Variants in KIF6 observed in about 807,000 individuals in gnomAD.
KIF6 encodes kinesin-like protein KIF6.
KIF6 carries 106 observed loss-of-function variants against 112.7 expected under a neutral mutation model. The observed-to-expected ratio is 0.94, with a 90% CI of 0.80 to 1.11. KIF6 has a LOEUF of 1.11. Ranked by LOEUF, KIF6 falls within the 50% of genes least tolerant of loss-of-function variation. The pLI, the probability that KIF6 is intolerant of heterozygous loss-of-function variation, is 0.00. For synonymous variants in KIF6, 339 were observed against 339.9 expected, an observed-to-expected ratio of 1.00 and a Z score of 0.03; for missense variants, 929 against 964.0, an observed-to-expected ratio of 0.96 and a Z score of 0.48.
chr6:39,665,424 A>T (rs1173364146), intron 3 of KIF6, among the ~76,000 whole-genome samples: 2 of 152,240 alleles, frequency 1.3e-5, no homozygotes, highest in African/African-American at 4.8e-5. Flanking sequence ...ACTGCATACA[A>T]CAAATGAGAA....
chr6:39,553,093 T>C (rs1779477311), intron 10 of KIF6, among the ~76,000 whole-genome samples: 1 of 152,224 alleles, frequency 6.6e-6, no homozygotes, highest in African/African-American at 2.4e-5. Flanking sequence ...GAGTTTTTCC[T>C]TTTGCAGTTT....
intron 3 of KIF6, among the ~76,000 whole-genome samples, chr6:39,678,652 A>G (rs1423708902): frequency 5.3e-5 from 8 of 152,188 alleles, no homozygotes; most frequent in African/African-American, 1.9e-4. Context: ...ACAATTTTGC[A>G]CAAATTCCCA....
chr6:39,521,453 C>T (rs1027857272), intron 13 of KIF6, among the ~76,000 whole-genome samples: 1 of 152,138 alleles, frequency 6.6e-6, no homozygotes, highest in Admixed American at 6.5e-5. Flanking sequence ...TATGAAGCCG[C>T]AAAACTGTTG....
At chr6:39,535,515 A>G (rs1402374946) in intron 13 of KIF6, among the ~76,000 whole-genome samples, 2 of 152,254 alleles carry the variant, frequency 1.3e-5, no homozygotes, top group Non-Finnish European at 2.9e-5. Context: ...AGAGCTAACT[A>G]TCCTAAATAT....
chr6:39,658,590 G>T (rs1785940425), intron 3 of KIF6, among the ~76,000 whole-genome samples: 1 of 152,018 alleles, frequency 6.6e-6, no homozygotes, highest in Non-Finnish European at 1.5e-5. Flanking sequence ...CTGTCAGCTT[G>T]GAAATAAGAA....
At chr6:39,410,386 A>G (rs1358448327) in intron 15 of KIF6, among the ~76,000 whole-genome samples, 1 of 152,236 alleles carries the variant, frequency 6.6e-6, no homozygotes, top group African/African-American at 2.4e-5. Flanking sequence ...AGGTGTTGAG[A>G]AAGTTGGTTA....
At chr6:39,524,765 G>A (rs183165144) in intron 13 of KIF6, among the ~76,000 whole-genome samples, 10 of 152,286 alleles carry the variant, frequency 6.6e-5, no homozygotes, top group Non-Finnish European at 1.3e-4. Context: ...CATCTTCTCC[G>A]TCCTCTAAGT....
intron 6 of KIF6, among the ~76,000 whole-genome samples, chr6:39,611,738 T>G (rs1213555510): frequency 6.6e-6 from 1 of 152,210 alleles, no homozygotes; most frequent in Non-Finnish European, 1.5e-5. Context: ...TTGCTGTTTA[T>G]TAAACTATAT....
intron 15 of KIF6, among the ~76,000 whole-genome samples, chr6:39,411,823 A>T (rs1190282556): frequency 1.3e-5 from 2 of 152,224 alleles, no homozygotes; most frequent in Admixed American, 6.5e-5. Context: ...GGAGAGGCTC[A>T]CTTATCAGCC....
chr6:39,540,697 T>A (rs1218278398), intron 12 of KIF6, among the ~76,000 whole-genome samples: 1 of 152,228 alleles, frequency 6.6e-6, no homozygotes, highest in Non-Finnish European at 1.5e-5. Context: ...GCCGTCTTCA[T>A]CCTGGCGGCC....
At chr6:39,704,697 T>G (rs1475249696) in intron 3 of KIF6, among the ~76,000 whole-genome samples, 2 of 152,194 alleles carry the variant, frequency 1.3e-5, no homozygotes, top group Non-Finnish European at 2.9e-5. Flanking sequence ...GTATTAAAGT[T>G]GGGATCTGAA....
At chr6:39,437,293 T>G (rs1771592102) in intron 13 of KIF6, among the ~76,000 whole-genome samples, 1 of 152,220 alleles carries the variant, frequency 6.6e-6, no homozygotes, top group Non-Finnish European at 1.5e-5. Context: ...TTTCTAGGTA[T>G]AAGATCATAT....
chr6:39,542,748 G>A (rs1452823137), intron 12 of KIF6, among the ~76,000 whole-genome samples: 3 of 152,144 alleles, frequency 2.0e-5, no homozygotes, highest in Non-Finnish European at 4.4e-5. Context: ...ATCACACTCC[G>A]CAGTGCTCAA....
chr6:39,479,014 G>A (rs968940095), intron 13 of KIF6, among the ~76,000 whole-genome samples: 8 of 152,026 alleles, frequency 5.3e-5, no homozygotes, highest in Non-Finnish European at 1.2e-4. Flanking sequence ...TTTGTTGGAT[G>A]TATAGATTGT....
At chr6:39,369,103 G>C (rs1217269256) in intron 16 of KIF6, among the ~76,000 whole-genome samples, 1 of 152,202 alleles carries the variant, frequency 6.6e-6, no homozygotes, top group East Asian at 1.9e-4. Context: ...TATTCTTACG[G>C]AGATTGATGG....
intron 10 of KIF6, among the ~76,000 whole-genome samples, chr6:39,552,273 G>A (rs1013596694): frequency 7.9e-5 from 12 of 152,188 alleles, no homozygotes; most frequent in Non-Finnish European, 1.3e-4. Context: ...AGTGGAAAAA[G>A]AGCCCTTTAG....
At chr6:39,462,413 T>C (rs1773533767) in intron 13 of KIF6, among the ~76,000 whole-genome samples, 1 of 152,038 alleles carries the variant, frequency 6.6e-6, no homozygotes, top group African/African-American at 2.4e-5. Flanking sequence ...GAGACCCTGA[T>C]GACAATCACT....
At chr6:39,689,675 C>A (rs903473926) in intron 3 of KIF6, among the ~76,000 whole-genome samples, 2 of 152,136 alleles carry the variant, frequency 1.3e-5, no homozygotes, top group Non-Finnish European at 2.9e-5. Flanking sequence ...TGGCTCACTG[C>A]ATCACTGCAG....
At chr6:39,571,866 T>C (rs1270688818) in intron 10 of KIF6, among the ~76,000 whole-genome samples, 1 of 152,050 alleles carries the variant, frequency 6.6e-6, no homozygotes, top group Non-Finnish European at 1.5e-5. Context: ...TTCTCTACAC[T>C]CCTTACCCCA....
Sources: gnomAD v4.1 joint callset for allele counts (sites outside exome capture counted in the v4.1 genomes callset) on GRCh38, gnomAD v4.1.1 for gene constraint, MANE v1.5 for transcripts, NCBI Gene and HGNC (gene_info 2026-07-23, HGNC 2026-07-21) for gene names.